Variants in TCERG1L observed in about 807,000 individuals in gnomAD.
The protein encoded by TCERG1L is transcription elongation regulator 1 like.
A neutral mutation model predicts 56.3 loss-of-function variants in TCERG1L; 37 were observed. The ratio of observed to expected loss-of-function variants is 0.66; its 90% CI spans 0.51 to 0.87. TCERG1L has a LOEUF of 0.87. Among genes scored for constraint, TCERG1L ranks in the 40% least tolerant of loss-of-function variants. The probability of loss-of-function intolerance (pLI) is 0.00; values close to 1 mark genes in which losing one functional copy is unlikely to be tolerated. For missense variants in TCERG1L, 799 were observed against 774.2 expected (o/e 1.03, Z -0.38); for synonymous variants, 324 against 326.3 (o/e 0.99, Z 0.08).
chr10:131,151,329 C>T (rs935073026), intron 6 of TCERG1L, among the ~76,000 whole-genome samples: 5 of 152,116 alleles, frequency 3.3e-5, no homozygotes, highest in South Asian at 4.2e-4. Context: ...CACAAATGGG[C>T]GTACAGGCAT....
In TCERG1L at chr10:131,251,248, C is replaced by T. The variant is rs573389177; in HGVS notation, c.856+9011G>A. On this transcript the variant is annotated intron_variant, in intron 4 of 11. Transcript: ENST00000368642. ...ACGCCCTTCTGCCCAGGCCAGCAACCCCAGCTCACTGGGCTACCTGCCTGT... is the reference window on the plus strand; with the variant it reads ...ACGCCCTTCTGCCCAGGCCAGCAACTCCAGCTCACTGGGCTACCTGCCTGT... Among the ~76,000 whole-genome samples, 17 of 152,314 alleles carry T rather than the reference C, an allele frequency of 1.1e-4. No individual in the cohort carries two copies. The South Asian group carries it at 3.5e-3, about 32-fold the overall frequency.
chr10:131,254,302 A>AATATATATATATATATATATATAT (rs57689050), intron 4 of TCERG1L, among the ~76,000 whole-genome samples: 89 of 142,762 alleles, frequency 6.2e-4, no homozygotes, highest in East Asian at 5.2e-3. Context: ...ACTGGATTTA[A>AATATATATATATATATATATATAT]ATATATATAT....
intron 4 of TCERG1L, among the ~76,000 whole-genome samples, chr10:131,225,924 G>T (rs1420492076): frequency 6.6e-6 from 1 of 152,192 alleles, no homozygotes; most frequent in Non-Finnish European, 1.5e-5. Flanking sequence ...AGACGCCAGG[G>T]TCAATTTCCT....
At chr10:131,151,628 G>A (rs2133419997) in intron 6 of TCERG1L, among the ~76,000 whole-genome samples, 1 of 152,212 alleles carries the variant, frequency 6.6e-6, no homozygotes, top group Non-Finnish European at 1.5e-5. Flanking sequence ...GCAAGCTGTA[G>A]GTGAATCTAC....
intron 3 of TCERG1L, among the ~76,000 whole-genome samples, chr10:131,285,618 C>T (rs1382792532): frequency 6.6e-6 from 1 of 151,740 alleles, no homozygotes; most frequent in African/African-American, 2.4e-5. Context: ...CACACAAGAA[C>T]GTGGACTAAA....
In TCERG1L at chr10:131,185,416, TAAAG is replaced by T. The variant is rs1244638078; in HGVS notation, c.857-18535_857-18532del. On this transcript the variant is annotated intron_variant, in intron 4 of 11. Transcript: ENST00000368642. The stretch of plus-strand genomic sequence containing the variant: ...TCATCAAAATTAAAAACTTGTGCAT[TAAAG>T]AACACCATCAAGAAAGGAAAAAACA... Among the ~76,000 whole-genome samples, 13 of 152,186 alleles carry T rather than the reference TAAAG, an allele frequency of 8.5e-5. No homozygotes were observed. In the East Asian group the frequency reaches 2.5e-3, roughly 29 times the overall value.
At chr10:131,159,867 C>T (rs770070598) in intron 6 of TCERG1L, among the ~76,000 whole-genome samples, 8 of 152,136 alleles carry the variant, frequency 5.3e-5, no homozygotes, top group Non-Finnish European at 8.8e-5. Flanking sequence ...TGGAGAGGCC[C>T]CTTCACTCTG....
chr10:131,182,660 A>T (rs146667147), intron 4 of TCERG1L, among the ~76,000 whole-genome samples: 2 of 152,304 alleles, frequency 1.3e-5, no homozygotes, highest in African/African-American at 2.4e-5. Context: ...ACCCTGCTTT[A>T]GCATTTGCGG....
rs1026805941 is a variant in TCERG1L at position 131,260,841 on chromosome 10, T to A, written c.671-397A>T. Among the ~76,000 whole-genome samples the A allele has an allele frequency of 3.3e-5, 5 of 151,868 alleles. No individual in the cohort carries two copies. Among genetic ancestry groups the A allele is most frequent in the African/African-American group, 4.8e-5 (2 of 41,336 alleles). ...GCAGAAACCGGTGAAGGCCCAGGAG[T>A]GCCACATAAAAAAGTGGGGGTGGTT... is the stretch of plus-strand genomic sequence containing the variant. On this transcript the variant is annotated intron_variant, in intron 3 of 11. Coordinates refer to ENST00000368642, the MANE Select transcript of TCERG1L (RefSeq NM_174937.4). The surrounding 1 kb of genome is among the most constrained non-coding windows in gnomAD (Gnocchi z 5.8).
At chr10:131,140,620 C>G (rs146300615) in intron 7 of TCERG1L, among the ~76,000 whole-genome samples, 1 of 152,130 alleles carries the variant, frequency 6.6e-6, no homozygotes, top group Non-Finnish European at 1.5e-5. Context: ...TTCCTGGGCA[C>G]GAAGAGGGGC....
At chr10:131,093,863 T>G (rs1797810317) in intron 11 of TCERG1L, among the ~76,000 whole-genome samples, 1 of 152,268 alleles carries the variant, frequency 6.6e-6, no homozygotes, top group South Asian at 2.1e-4. Flanking sequence ...GTGGTGATCT[T>G]GTTAAACCTC....
At chr10:131,261,196 C>T (rs776540061) in intron 3 of TCERG1L, among the ~76,000 whole-genome samples, 16 of 152,200 alleles carry the variant, frequency 1.1e-4, no homozygotes, top group East Asian at 1.9e-4. Context: ...TCTTCCTCTG[C>T]CTTTTCAGTA....
intron 3 of TCERG1L, among the ~76,000 whole-genome samples, chr10:131,277,081 G>A (rs959123747): frequency 4.0e-5 from 6 of 151,710 alleles, no homozygotes; most frequent in African/African-American, 1.5e-4. Flanking sequence ...GAGAGTTTGA[G>A]ATTACAGAAT....
At chr10:131,167,623 T>C (rs1047937698) in intron 4 of TCERG1L, among the ~76,000 whole-genome samples, 1 of 152,120 alleles carries the variant, frequency 6.6e-6, no homozygotes, top group East Asian at 1.9e-4. Context: ...CTGGTGGCCA[T>C]GATGGGCTGC....
In TCERG1L at chr10:131,152,424, C is replaced by T. The variant is rs1030178754; in HGVS notation, c.1035-5764G>A. On this transcript the variant is annotated intron_variant, in intron 6 of 11. Transcript: ENST00000368642. ...GCAAGTTCCTCATCTCCATCTGAGA[C>T]CACCTCAGCCTGGACTTCATTGTCT... Among the ~76,000 whole-genome samples the T allele has an allele frequency of 3.3e-5, 5 of 152,334 alleles. No homozygotes were observed. In the South Asian group the frequency reaches 6.2e-4, roughly 19 times the overall value.
At chr10:131,233,413 T>C (rs1408597933) in intron 4 of TCERG1L, among the ~76,000 whole-genome samples, 1 of 151,474 alleles carries the variant, frequency 6.6e-6, no homozygotes, top group Non-Finnish European at 1.5e-5. Context: ...GAATATCCAT[T>C]ACACACACAC....
intron 6 of TCERG1L, chr10:131,162,044 T>C (rs970146791): frequency 2.0e-5 from 3 of 152,184 alleles, no homozygotes; most frequent in African/African-American, 7.2e-5. Flanking sequence ...AGATCTGTGG[T>C]CAGCTGGGCA....
At chr10:131,307,375 A>G (rs1846827376) in intron 3 of TCERG1L, among the ~76,000 whole-genome samples, 1 of 152,226 alleles carries the variant, frequency 6.6e-6, no homozygotes, top group Non-Finnish European at 1.5e-5. Context: ...TATATCTCCT[A>G]AATCAGCACT....
chr10:131,281,613 T>C (rs1179702822), intron 3 of TCERG1L, among the ~76,000 whole-genome samples: 1 of 152,082 alleles, frequency 6.6e-6, no homozygotes, highest in African/African-American at 2.4e-5. Context: ...CTGTTTCTAT[T>C]CTTCCCAAAG....
Sources: gnomAD v4.1 joint callset for allele counts (sites outside exome capture counted in the v4.1 genomes callset) on GRCh38, gnomAD v4.1.1 for gene constraint, Gnocchi (gnomAD v3.1) non-coding constraint, MANE v1.5 for transcripts, NCBI Gene and HGNC (gene_info 2026-07-23, HGNC 2026-07-21) for gene names.